PADI2: variants seen among roughly 807,000 people sequenced by gnomAD.
PADI2 encodes protein-arginine deiminase type-2.
Under a neutral mutation model 81.1 loss-of-function variants are expected in PADI2, and 70 were observed. That is an observed-to-expected ratio of 0.86 (90% CI 0.71 to 1.05). The LOEUF is 1.05. Ranked by LOEUF, PADI2 falls within the 50% of genes least tolerant of loss-of-function variation. PADI2 has a pLI of 0.00. For missense variants in PADI2, 853 were observed against 889.9 expected (o/e 0.96, Z 0.53); for synonymous variants, 338 against 358.0 (o/e 0.94, Z 0.63).
rs188843707 is a variant in PADI2, at chr1:17,097,862, A to C, written c.350-1892T>G. On this transcript the variant is annotated intron_variant, in intron 3 of 15. Transcript: ENST00000375486. ...TCACGTCCACTGAATGCTGCCTTTC[A>C]GGGAGCTGGCTTCCTGAAACTCCTC... Among the ~76,000 whole-genome samples, 178 of 152,260 alleles carry C rather than the reference A, an allele frequency of 1.2e-3. 1 individual carries two copies. Among genetic ancestry groups the C allele is most frequent in the African/African-American group, 4.2e-3 (175 of 41,542 alleles).
At chr1:17,104,255 A>C (rs1016637439) in intron 2 of PADI2, among the ~76,000 whole-genome samples, 2 of 150,614 alleles carry the variant, frequency 1.3e-5, no homozygotes, top group African/African-American at 2.5e-5. Context: ...GCATCACTGC[A>C]CTCCAGCCTG....
intron 1 of PADI2, among the ~76,000 whole-genome samples, chr1:17,112,823 C>G (rs537837470): frequency 2.0e-5 from 3 of 152,228 alleles, no homozygotes; most frequent in Non-Finnish European, 2.9e-5. Flanking sequence ...TTCAGTGACT[C>G]CCTGCTACTT....
intron 14 of PADI2, 108 bp from the exon 15 acceptor site, chr1:17,070,324 A>T: frequency 1.4e-6 from 2 of 1,426,264 alleles, no homozygotes; most frequent in Non-Finnish European, 1.9e-6. Flanking sequence ...CCGGCACTCC[A>T]GAGAGACTTC....
intron 7 of PADI2, 48 bp from the exon 8 acceptor site, chr1:17,084,750 GCTTT>G (rs765874729): frequency 6.2e-5 from 74 of 1,191,288 alleles, no homozygotes; most frequent in South Asian, 1.5e-4. Context: ...TTTGTCAGGT[GCTTT>G]CTTTGCCTGC....
chr1:17,113,606 G>T lies in PADI2; in HGVS notation c.92+5674C>A, dbSNP rs529392333. On this transcript the variant is annotated intron_variant, in intron 1 of 15. Transcript: ENST00000375486. Reference sequence around the variant, plus strand: ...CCCAGGTAGGTGTGCCTGGTGTGGGGCAGAGGGGAGGATCAGGCCTGGCTC... The same window carrying T: ...CCCAGGTAGGTGTGCCTGGTGTGGGTCAGAGGGGAGGATCAGGCCTGGCTC... Among the ~76,000 whole-genome samples, 16 of 152,316 alleles carry T rather than the reference G, an allele frequency of 1.1e-4. No homozygotes were observed. In the East Asian group the frequency reaches 2.9e-3, roughly 28 times the overall value.
chr1:17,104,970 C>T lies in PADI2; in HGVS notation c.184G>A (p.Ala62Thr). ...AGCCAGCGCTGCTTGCCATTGGTGGCCACCTCCTCAGCCTCCCCATCACGC... is the reference window on the plus strand; with the variant it reads ...AGCCAGCGCTGCTTGCCATTGGTGGTCACCTCCTCAGCCTCCCCATCACGC... ...VVRDGEAEEV[A>T]TNGKQRWLLS... Residue 62 changes from alanine to threonine, a missense_variant, in exon 2 of 16, where the codon GCC becomes ACC. Ala to Thr is a moderately conservative substitution (Grantham distance 58). Coordinates refer to ENST00000375486, the MANE Select transcript of PADI2 (RefSeq NM_007365.3). 6.2e-7 allele frequency: 1 copy of T among 1,609,910 alleles called. No homozygotes were observed. The highest frequency in any genetic ancestry group is 8.5e-7 in the Non-Finnish European group (1 of 1,179,054).
Position 17,068,628 on chromosome 1 carries a change from T to A in PADI2, c.*416A>T, listed in dbSNP as rs778613737. On this transcript the variant is annotated 3_prime_UTR_variant, in exon 16 of 16. Coordinates refer to ENST00000375486, the MANE Select transcript of PADI2 (RefSeq NM_007365.3). ...AGGGTCCCGGGGTCCTGGGGTCCCT[T>A]TCCATGGATTCTACCTTGATTTTCA... The A allele has an allele frequency of 1.7e-4, 34 of 199,442 alleles. No individual in the cohort carries two copies. The highest frequency in any genetic ancestry group is 2.7e-4 in the Non-Finnish European group (26 of 96,092). The allele number at this position is 199,442 out of a possible 1,614,324, so 12.4% of individuals were successfully genotyped here.
rs183221043 is a variant in PADI2, at chr1:17,106,946, G to A, written c.93-1885C>T. 2.8e-3 allele frequency among the ~76,000 whole-genome samples: 428 copies of A among 152,218 alleles called. 2 individuals are homozygous for A. Among genetic ancestry groups the A allele is most frequent in the Non-Finnish European group, 4.1e-3 (277 of 68,018 alleles). On this transcript the variant is annotated intron_variant, in intron 1 of 15. Coordinates refer to ENST00000375486, the MANE Select transcript of PADI2 (RefSeq NM_007365.3). ...CCGACCATGCCACCACCCTGATCTCGGACTTCCAGCCTCCAGAATTGTGAG... is the reference window on the plus strand; with the variant it reads ...CCGACCATGCCACCACCCTGATCTCAGACTTCCAGCCTCCAGAATTGTGAG...
chr1:17,078,272 C>T (rs571976903), intron 11 of PADI2, among the ~76,000 whole-genome samples: 32 of 151,948 alleles, frequency 2.1e-4, no homozygotes, highest in African/African-American at 5.8e-4. Flanking sequence ...CCACCACGCC[C>T]GGCTAATTTT....
At chr1:17,088,474 C>T (rs1396039496) in intron 6 of PADI2, among the ~76,000 whole-genome samples, 4 of 152,178 alleles carry the variant, frequency 2.6e-5, no homozygotes, top group African/African-American at 9.7e-5. Context: ...GAAGCCAGGG[C>T]TTGGGATGGC....
chr1:17,079,126 G>C, intron 11 of PADI2, 138 bp downstream of exon 11: 1 of 645,796 alleles, frequency 1.5e-6, no homozygotes, highest in Non-Finnish European at 2.7e-6. Flanking sequence ...AAGAGTGTCG[G>C]CCTCTTAACA....
intron 6 of PADI2, among the ~76,000 whole-genome samples, chr1:17,091,645 T>C (rs1290115091): frequency 6.6e-6 from 1 of 152,088 alleles, no homozygotes; most frequent in East Asian, 1.9e-4. Context: ...GGTTCCTTCT[T>C]ATTGTTCATC....
Position 17,103,418 on chromosome 1 carries a change from C to A in PADI2, c.277-359G>T, listed in dbSNP as rs1057167728. ...TATTTTCTTTGGACCATGTTCAATG[C>A]CATCACTGTGATGGGGCACATGGTA... is the stretch of plus-strand genomic sequence containing the variant. On this transcript the variant is annotated intron_variant, in intron 2 of 15. Coordinates refer to ENST00000375486, the MANE Select transcript of PADI2 (RefSeq NM_007365.3). Among the ~76,000 whole-genome samples, 5 of 152,294 alleles carry A rather than the reference C, an allele frequency of 3.3e-5. No individual in the cohort carries two copies. The East Asian group carries it at 5.8e-4, about 18-fold the overall frequency.
At chr1:17,080,537 C>T (rs1281654948) in intron 10 of PADI2, among the ~76,000 whole-genome samples, 1 of 152,202 alleles carries the variant, frequency 6.6e-6, no homozygotes, top group Admixed American at 6.5e-5. Flanking sequence ...TGTTGTCGGT[C>T]ATGGAGATTT....
intron 1 of PADI2, among the ~76,000 whole-genome samples, chr1:17,118,095 G>C (rs368620396): frequency 3.3e-5 from 5 of 152,156 alleles, no homozygotes; most frequent in African/African-American, 1.2e-4. Context: ...AGACTGGTTG[G>C]GCAGGTGGGA....
intron 6 of PADI2, among the ~76,000 whole-genome samples, chr1:17,091,474 C>T (rs769900832): frequency 6.6e-6 from 1 of 152,140 alleles, no homozygotes; most frequent in Non-Finnish European, 1.5e-5. Context: ...CAAACCCAGT[C>T]TGCATGCTCT....
At chr1:17,084,729 G>A (rs764801536) in intron 7 of PADI2, 27 bp from the exon 8 acceptor site, 15 of 1,440,688 alleles carry the variant, frequency 1.0e-5, no homozygotes, top group Admixed American at 4.1e-5. Context: ...AGGCGTGGGG[G>A]ATCAAAAGGT....
At chr1:17,106,875 A>G (rs1321202950) in intron 1 of PADI2, among the ~76,000 whole-genome samples, 1 of 152,174 alleles carries the variant, frequency 6.6e-6, no homozygotes, top group Admixed American at 6.5e-5. Flanking sequence ...GGACGCAGTG[A>G]CAAGGTGGCC....
chr1:17,085,936 C>T (rs1557763259), intron 7 of PADI2, among the ~76,000 whole-genome samples: 1 of 152,204 alleles, frequency 6.6e-6, no homozygotes, highest in Admixed American at 6.5e-5. Context: ...CTTGTGAGCA[C>T]AGCACGCCCT....
Sources: gnomAD v4.1 joint callset for allele counts (sites outside exome capture counted in the v4.1 genomes callset) on GRCh38, gnomAD v4.1.1 for gene constraint, MANE v1.5 for transcripts, NCBI Gene and HGNC (gene_info 2026-07-23, HGNC 2026-07-21) for gene names.